Variants in CMIP observed in about 807,000 individuals in gnomAD.
CMIP encodes the protein c-Maf inducing protein.
A neutral mutation model predicts 97.3 loss-of-function variants in CMIP; 13 were observed. That is an observed-to-expected ratio of 0.13 (90% CI 0.09 to 0.21). The LOEUF (loss-of-function observed/expected upper bound fraction) is 0.21. Ranked by LOEUF, CMIP falls within the 10% of genes least tolerant of loss-of-function variation. CMIP has a pLI of 1.00. For synonymous variants in CMIP, 538 were observed against 436.3 expected (o/e 1.23, Z -2.91); for missense variants, 847 against 1,024.9 (o/e 0.83, Z 2.37).
At chr16:81,477,761 TG>T (rs1597461726) in intron 1 of CMIP, among the ~76,000 whole-genome samples, 1 of 152,224 alleles carries the variant, frequency 6.6e-6, no homozygotes, top group Admixed American at 6.5e-5. Context: ...CCCCTCCATG[TG>T]GCTGCTCCTC....
chr16:81,473,063 G>A (rs935673611), intron 1 of CMIP, among the ~76,000 whole-genome samples: 1 of 152,200 alleles, frequency 6.6e-6, no homozygotes, highest in Non-Finnish European at 1.5e-5. Context: ...TCTATAAAAT[G>A]GGAGTGAATA....
chr16:81,593,071 C>T (rs765936724), intron 1 of CMIP, among the ~76,000 whole-genome samples: 37 of 152,166 alleles, frequency 2.4e-4, no homozygotes, highest in Non-Finnish European at 4.4e-4. Flanking sequence ...AAATATCAGT[C>T]GTTTGCTCTA....
chr16:81,580,636 A>G (rs891090922), intron 1 of CMIP, among the ~76,000 whole-genome samples: 3 of 151,696 alleles, frequency 2.0e-5, no homozygotes, highest in Admixed American at 6.6e-5. Flanking sequence ...GGGTTTTGCC[A>G]TGTTGGCCAG....
rs529405376 is a variant in CMIP, at chr16:81,579,084, G to T, written c.301-28483G>T. On this transcript the variant is annotated intron_variant, in intron 1 of 20. Coordinates refer to ENST00000537098, the MANE Select transcript of CMIP (RefSeq NM_198390.3). The stretch of plus-strand genomic sequence containing the variant: ...ATCTCGGATTCAGATAAGAATTCCA[G>T]TTGACCTAGGGCAAGCACCCTCGCC... 3.3e-5 allele frequency among the ~76,000 whole-genome samples: 5 copies of T among 152,332 alleles called. No individual in the cohort carries two copies. The South Asian group carries it at 1.0e-3, about 32-fold the overall frequency.
chr16:81,476,161 T>G, intron 1 of CMIP: 4 of 1,138,152 alleles, frequency 3.5e-6, no homozygotes, highest in Non-Finnish European at 4.0e-6. Context: ...GTTCAACCAC[T>G]CAGTCTTGGC....
chr16:81,668,480 C>T (rs1178487634), intron 7 of CMIP, among the ~76,000 whole-genome samples: 23 of 152,298 alleles, frequency 1.5e-4, no homozygotes, highest in Non-Finnish European at 2.9e-5. Flanking sequence ...CTCTCTGTGC[C>T]GTGGCCCCTG....
chr16:81,605,708 C>T (rs558532931), intron 1 of CMIP, among the ~76,000 whole-genome samples: 29 of 152,342 alleles, frequency 1.9e-4, no homozygotes, highest in African/African-American at 6.7e-4. Flanking sequence ...CTCCTGCTCT[C>T]GGCCACCTGT....
At chr16:81,489,224 A>G (rs1486423511) in intron 1 of CMIP, among the ~76,000 whole-genome samples, 1 of 151,986 alleles carries the variant, frequency 6.6e-6, no homozygotes, top group African/African-American at 2.4e-5. Flanking sequence ...CTGATGGTGC[A>G]CTCAGAGGCT....
chr16:81,664,456 C>T lies in CMIP; in HGVS notation c.825+107C>T, dbSNP rs150895105. The T allele has an allele frequency of 8.1e-5, 84 of 1,036,834 alleles. No individual in the cohort carries two copies. The African/African-American group carries it at 1.1e-3, about 13-fold the overall frequency. 64.2% of individuals were successfully genotyped at this position (1,036,834 alleles called of 1,614,324 possible). A position where few individuals can be genotyped will look rare whatever the true frequency, so the allele number is the denominator to read the frequency against. ...ACAGATTTGGGGAATGTGGTTGGCC[C>T]AGCGTGACAGCCAGGAACTGGGGTT... On this transcript the variant is annotated intron_variant, in intron 7 of 20. Transcript: ENST00000537098.
At chr16:81,474,080 C>T (rs1333514360) in intron 1 of CMIP, among the ~76,000 whole-genome samples, 1 of 152,100 alleles carries the variant, frequency 6.6e-6, no homozygotes, top group Non-Finnish European at 1.5e-5. Context: ...ACCGGGCACT[C>T]CTGGCTGTGC....
rs114712979 is a variant in CMIP, at chr16:81,500,180, A to G, written c.300+54639A>G. ...CAGTCCTGCCTGAGCATCGGTGAAC[A>G]TGACGCCATGGGCTGTGGCTTAACG... On this transcript the variant is annotated intron_variant, in intron 1 of 20. Transcript: ENST00000537098. 3.6e-3 allele frequency among the ~76,000 whole-genome samples: 541 copies of G among 152,116 alleles called. 5 individuals are homozygous for G. The highest frequency in any genetic ancestry group is 0.012 in the African/African-American group (497 of 41,498).
At chr16:81,491,970 C>G (rs905118022) in intron 1 of CMIP, among the ~76,000 whole-genome samples, 8 of 152,328 alleles carry the variant, frequency 5.3e-5, no homozygotes, top group African/African-American at 1.9e-4. Flanking sequence ...TTGTGTCACA[C>G]CATTTTTCAT....
intron 1 of CMIP, among the ~76,000 whole-genome samples, chr16:81,523,655 G>T (rs944859410): frequency 2.0e-5 from 3 of 152,212 alleles, no homozygotes; most frequent in Non-Finnish European, 4.4e-5. Flanking sequence ...AAGCCATGGT[G>T]GCCTAGAACG....
At chr16:81,458,846 A>G (rs534655110) in intron 1 of CMIP, among the ~76,000 whole-genome samples, 1 of 152,188 alleles carries the variant, frequency 6.6e-6, no homozygotes, top group Non-Finnish European at 1.5e-5. Context: ...AAAGGGGAGA[A>G]TACATGGAAT....
At chr16:81,500,096 C>A (rs2089569248) in intron 1 of CMIP, among the ~76,000 whole-genome samples, 1 of 152,218 alleles carries the variant, frequency 6.6e-6, no homozygotes, top group Non-Finnish European at 1.5e-5. Context: ...GCTCCTCTTT[C>A]CCTCCCTCAC....
At chr16:81,463,067 C>T (rs112797960) in intron 1 of CMIP, among the ~76,000 whole-genome samples, 1 of 152,318 alleles carries the variant, frequency 6.6e-6, no homozygotes, top group African/African-American at 2.4e-5. Context: ...CTGGCAAATT[C>T]AGCTGATGTG....
At chr16:81,694,578 G>A (rs946048249) in intron 13 of CMIP, among the ~76,000 whole-genome samples, 3 of 152,226 alleles carry the variant, frequency 2.0e-5, no homozygotes, top group East Asian at 1.9e-4. Flanking sequence ...TTATCAGGCT[G>A]TAATTCCAGA....
chr16:81,502,464 C>T (rs556168878), intron 1 of CMIP, among the ~76,000 whole-genome samples: 18 of 152,264 alleles, frequency 1.2e-4, no homozygotes, highest in Admixed American at 8.5e-4. Flanking sequence ...CAGCCTGGCT[C>T]GCCTGGGGGT....
intron 1 of CMIP, chr16:81,533,818 G>A (rs1383951305): frequency 1.3e-5 from 2 of 152,276 alleles, no homozygotes; most frequent in Non-Finnish European, 2.9e-5. Flanking sequence ...TGCACTAGCA[G>A]ATCTGAGAGC....
Sources: allele counts gnomAD v4.1 joint callset (sites outside exome capture counted in the v4.1 genomes callset), GRCh38; gene constraint gnomAD v4.1.1; transcripts MANE v1.5; gene names NCBI Gene and HGNC (gene_info 2026-07-23, HGNC 2026-07-21).